Variants in SNAP91 observed in about 807,000 individuals in gnomAD.
SNAP91 encodes the protein synaptosome associated protein 91.
Under a neutral mutation model 100.3 loss-of-function variants are expected in SNAP91, and 27 were observed. The observed-to-expected ratio is 0.27, with a 90% confidence interval of 0.20 to 0.37. The LOEUF (loss-of-function observed/expected upper bound fraction) is 0.37. Ranked by LOEUF, SNAP91 falls within the 10% of genes least tolerant of loss-of-function variation. The pLI is 1.00. For missense variants in SNAP91, 986 were observed against 1,123.7 expected, an observed-to-expected ratio of 0.88 and a Z score of 1.75; for synonymous variants, 404 against 398.6, an observed-to-expected ratio of 1.01 and a Z score of -0.16.
intron 17 of SNAP91, among the ~76,000 whole-genome samples, 168 bp downstream of exon 17, chr6:83,594,206 C>T (rs979627731): frequency 1.3e-5 from 2 of 152,090 alleles, no homozygotes; most frequent in East Asian, 3.8e-4. Flanking sequence ...TAAGTATGTA[C>T]TTCATTGTCT....
intron 6 of SNAP91, among the ~76,000 whole-genome samples, chr6:83,657,884 A>G (rs1162580931): frequency 6.8e-6 from 1 of 148,040 alleles, no homozygotes; most frequent in Non-Finnish European, 1.5e-5. Flanking sequence ...CTCCCACCTC[A>G]GCCTCCCAAG....
At chr6:83,596,771 T>G (rs907886099) in intron 16 of SNAP91, among the ~76,000 whole-genome samples, 4 of 152,164 alleles carry the variant, frequency 2.6e-5, no homozygotes, top group Non-Finnish European at 5.9e-5. Context: ...GATTTTTTTT[T>G]TAAAAAGTCT....
intron 26 of SNAP91, among the ~76,000 whole-genome samples, chr6:83,566,441 A>T (rs900659663): frequency 6.6e-6 from 1 of 152,330 alleles, no homozygotes; most frequent in South Asian, 2.1e-4. Context: ...CCATCATTTC[A>T]ACAGGGTAGG....
chr6:83,666,629 T>C (rs1442533588), intron 2 of SNAP91, among the ~76,000 whole-genome samples: 1 of 152,146 alleles, frequency 6.6e-6, no homozygotes, highest in African/African-American at 2.4e-5. Flanking sequence ...TTTTTAAAAA[T>C]TGATATTCTA....
chr6:83,602,762 G>A (rs558509455), intron 14 of SNAP91, among the ~76,000 whole-genome samples: 45 of 152,012 alleles, frequency 3.0e-4, no homozygotes, highest in African/African-American at 8.9e-4. Flanking sequence ...GTTTTGTTGC[G>A]GCAAAAGTGC....
intron 2 of SNAP91, among the ~76,000 whole-genome samples, chr6:83,680,043 A>G (rs2128903881): frequency 6.6e-6 from 1 of 152,284 alleles, no homozygotes; most frequent in South Asian, 2.1e-4. Context: ...ATCTCTTTAT[A>G]GCTCTCAGAG....
At chr6:83,571,920 T>A (rs1246032226) in intron 26 of SNAP91, among the ~76,000 whole-genome samples, 1 of 152,104 alleles carries the variant, frequency 6.6e-6, no homozygotes, top group East Asian at 1.9e-4. Context: ...AGTGAGTAAG[T>A]CTCATGAGAT....
intron 8 of SNAP91, among the ~76,000 whole-genome samples, chr6:83,637,711 G>A (rs1261609151): frequency 6.6e-6 from 1 of 152,184 alleles, no homozygotes; most frequent in Non-Finnish European, 1.5e-5. Context: ...TGAAGGGAGG[G>A]ACACCCAGCT....
At chr6:83,610,030 A>T (rs1390994157) in intron 12 of SNAP91, among the ~76,000 whole-genome samples, 1 of 152,194 alleles carries the variant, frequency 6.6e-6, no homozygotes, top group Non-Finnish European at 1.5e-5. Flanking sequence ...AAAGGAGGAT[A>T]CATAAAAACA....
At chr6:83,584,268 A>T (rs1197680967) in intron 22 of SNAP91, among the ~76,000 whole-genome samples, 4 of 152,198 alleles carry the variant, frequency 2.6e-5, no homozygotes, top group Non-Finnish European at 4.4e-5. Flanking sequence ...AAACTTGGCC[A>T]TGGAAAGGAC....
intron 9 of SNAP91, among the ~76,000 whole-genome samples, chr6:83,621,569 G>A (rs1269812697): frequency 6.6e-6 from 1 of 152,050 alleles, no homozygotes; most frequent in African/African-American, 2.4e-5. Flanking sequence ...TTGAGGGGGA[G>A]ATTATAAATA....
At chr6:83,644,057 T>C (rs117722563) in intron 7 of SNAP91, among the ~76,000 whole-genome samples, 6 of 152,184 alleles carry the variant, frequency 3.9e-5, no homozygotes, top group Non-Finnish European at 5.9e-5. Context: ...AATCTTCATA[T>C]AAAAAACTTC....
At chr6:83,583,733 C>A (rs28584474) in intron 22 of SNAP91, among the ~76,000 whole-genome samples, 1 of 152,084 alleles carries the variant, frequency 6.6e-6, no homozygotes, top group Admixed American at 6.5e-5. Context: ...AACAATGTTT[C>A]AAAAAACATC....
At chr6:83,613,016 T>C (rs2096252972) in intron 11 of SNAP91, among the ~76,000 whole-genome samples, 1 of 151,912 alleles carries the variant, frequency 6.6e-6, no homozygotes, top group African/African-American at 2.4e-5. Flanking sequence ...ATAATAAAAA[T>C]GATAGAATTG....
intron 24 of SNAP91, 150 bp downstream of exon 24, chr6:83,580,300 A>G: frequency 1.3e-6 from 1 of 753,680 alleles, no homozygotes. Context: ...TGGGTAAAGC[A>G]CTAAGTATTT....
intron 3 of SNAP91, among the ~76,000 whole-genome samples, chr6:83,664,356 A>G (rs1414241659): frequency 1.3e-5 from 2 of 152,138 alleles, no homozygotes; most frequent in Non-Finnish European, 2.9e-5. Flanking sequence ...AAAACCTTCT[A>G]GAAAAGATTG....
intron 7 of SNAP91, among the ~76,000 whole-genome samples, chr6:83,648,288 T>C (rs2098037703): frequency 6.6e-6 from 1 of 152,216 alleles, no homozygotes; most frequent in Non-Finnish European, 1.5e-5. Flanking sequence ...AATGTAACAG[T>C]TAATTCCTTT....
In SNAP91 at chr6:83,556,366, A is replaced by G. The variant is rs1421414573; in HGVS notation, c.2632-121T>C. 1.2e-5 allele frequency: 6 copies of G among 487,574 alleles called. No homozygotes were observed. In the African/African-American group the frequency reaches 1.3e-4, roughly 10 times the overall value. The allele number at this position is 487,574 out of a possible 1,614,324, so 30.2% of individuals were successfully genotyped here. The stretch of plus-strand genomic sequence containing the variant: ...GGGAGAGAGAGAGAGAGAGAGAGAG[A>G]GAGAGAGAGAGAGAGAGAGAGAGAG... On this transcript the variant is annotated intron_variant, in intron 28 of 29. Coordinates refer to ENST00000369694, the MANE Select transcript of SNAP91 (RefSeq NM_001242792.2).
chr6:83,594,896 T>C (rs2094284621), intron 16 of SNAP91, among the ~76,000 whole-genome samples: 1 of 152,226 alleles, frequency 6.6e-6, no homozygotes, highest in South Asian at 2.1e-4. Flanking sequence ...TGTCTCATAG[T>C]TTCTAGCAAA....
Sources: gnomAD v4.1 joint callset for allele counts (sites outside exome capture counted in the v4.1 genomes callset) on GRCh38, gnomAD v4.1.1 for gene constraint, MANE v1.5 for transcripts, NCBI Gene and HGNC (gene_info 2026-07-23, HGNC 2026-07-21) for gene names.